Variants in BRD10 observed in about 807,000 individuals in gnomAD.
BRD10 encodes the protein bromodomain containing 10.
chr9:5,958,253 A>G, the BRD10 span, among the ~76,000 whole-genome samples: 1 of 152,206 alleles, frequency 6.6e-6, no homozygotes, highest in South Asian at 2.1e-4. Flanking sequence ...AATTATAACT[A>G]AAGATATATT....
chr9:5,882,762 C>G, the BRD10 span, among the ~76,000 whole-genome samples: 256 of 152,256 alleles, frequency 1.7e-3, no homozygotes, highest in African/African-American at 5.8e-3. Context: ...ACCCAGCCAT[C>G]CCATTACTGG....
the BRD10 span, among the ~76,000 whole-genome samples, chr9:5,902,220 G>GCGTGGATTTTGACAGA: frequency 0.011 from 1,703 of 152,154 alleles, 28 homozygotes; most frequent in African/African-American, 0.039. Context: ...AGTTCTTCTT[G>GCGTGGATTTTGACAGA]CGTGGATTTT....
At chr9:5,996,986 G>A in the BRD10 span, among the ~76,000 whole-genome samples, 2 of 152,168 alleles carry the variant, frequency 1.3e-5, no homozygotes, top group Non-Finnish European at 2.9e-5. Context: ...TTGGCTTCCT[G>A]TCCCTGGCCA....
the BRD10 span, chr9:5,919,249 A>T: frequency 6.7e-6 from 1 of 150,154 alleles, no homozygotes; most frequent in Non-Finnish European, 1.5e-5. Context: ...ATATATATGT[A>T]TTTTTTTTTT....
chr9:5,968,539 T>C, the BRD10 span: 1 of 1,613,562 alleles, frequency 6.2e-7, no homozygotes, highest in Non-Finnish European at 8.5e-7. Context: ...TGGATTTTAC[T>C]CCCATTTCAA....
At chr9:5,993,642 G>A in the BRD10 span, among the ~76,000 whole-genome samples, 22 of 152,238 alleles carry the variant, frequency 1.4e-4, no homozygotes, top group African/African-American at 5.1e-4. Context: ...CATAACGATG[G>A]AGCACAGTTT....
the BRD10 span, among the ~76,000 whole-genome samples, chr9:5,990,341 T>G: frequency 6.6e-6 from 1 of 152,176 alleles, no homozygotes; most frequent in Non-Finnish European, 1.5e-5. Context: ...AGAACATTAA[T>G]GGACAATATT....
At chr9:6,007,880 G>A in the BRD10 span, 22 of 1,371,426 alleles carry the variant, frequency 1.6e-5, no homozygotes, top group Non-Finnish European at 1.9e-5. Context: ...GCTCGGCCGC[G>A]GCGCGTAGCC....
the BRD10 span, among the ~76,000 whole-genome samples, chr9:5,986,097 T>C: frequency 6.6e-6 from 1 of 152,168 alleles, no homozygotes; most frequent in Non-Finnish European, 1.5e-5. Flanking sequence ...TCAGCATGCA[T>C]TAGCTATTTA....
the BRD10 span, among the ~76,000 whole-genome samples, chr9:6,005,830 A>C: frequency 6.6e-6 from 1 of 152,246 alleles, no homozygotes; most frequent in Non-Finnish European, 1.5e-5. Context: ...ATTAAAAGTA[A>C]TTTACAAAGC....
chr9:5,921,755 G>A, the BRD10 span: 18 of 1,613,918 alleles, frequency 1.1e-5, no homozygotes, highest in East Asian at 6.7e-5. Context: ...TACACTTACC[G>A]AACTACTTGT....
chr9:5,926,958 C>T, the BRD10 span, among the ~76,000 whole-genome samples: 2 of 152,178 alleles, frequency 1.3e-5, no homozygotes, highest in East Asian at 3.9e-4. Flanking sequence ...TTAATAATTG[C>T]TTTCAGTTTA....
the BRD10 span, among the ~76,000 whole-genome samples, chr9:5,942,457 CAT>C: frequency 6.6e-6 from 1 of 152,094 alleles, no homozygotes; most frequent in Non-Finnish European, 1.5e-5. Context: ...CATTTCATAA[CAT>C]AAACATTCAA....
the BRD10 span, among the ~76,000 whole-genome samples, chr9:5,911,956 T>A: frequency 6.6e-6 from 1 of 152,244 alleles, no homozygotes; most frequent in African/African-American, 2.4e-5. Context: ...GGGATTGCAT[T>A]GAATCTGCAG....
chr9:5,979,235 T>G, the BRD10 span, among the ~76,000 whole-genome samples: 1 of 152,224 alleles, frequency 6.6e-6, no homozygotes, highest in Non-Finnish European at 1.5e-5. Context: ...ACACACTGGC[T>G]GGGCATGGTG....
chr9:5,920,063 G>C, the BRD10 span: 8 of 1,613,872 alleles, frequency 5.0e-6, no homozygotes, highest in Admixed American at 3.3e-5. Flanking sequence ...TGTATGTACT[G>C]TGGGTATAGA....
chr9:5,960,585 A>C, the BRD10 span, among the ~76,000 whole-genome samples: 18 of 152,040 alleles, frequency 1.2e-4, no homozygotes, highest in South Asian at 2.1e-3. Context: ...AAAGAAAAGA[A>C]AAGACAATAA....
the BRD10 span, chr9:5,921,271 A>G: frequency 1.2e-6 from 2 of 1,614,022 alleles, no homozygotes; most frequent in Non-Finnish European, 1.7e-6. Context: ...TGTTTAGTCC[A>G]ATTTTCACAT....
the BRD10 span, among the ~76,000 whole-genome samples, chr9:6,004,907 G>A: frequency 6.6e-6 from 1 of 152,104 alleles, no homozygotes; most frequent in African/African-American, 2.4e-5. Flanking sequence ...GTGTGGTCTC[G>A]CAAACCTGAT....
Sources: allele counts gnomAD v4.1 joint callset (sites outside exome capture counted in the v4.1 genomes callset), GRCh38; gene constraint gnomAD v4.1.1; transcripts MANE v1.5; gene names NCBI Gene and HGNC (gene_info 2026-07-23, HGNC 2026-07-21).